Variants in MBD5 observed in about 807,000 individuals in gnomAD.
MBD5 encodes the protein methyl-CpG-binding domain protein 5.
Under a neutral mutation model 117.3 loss-of-function variants are expected in MBD5, and 13 were observed. The ratio of observed to expected loss-of-function variants is 0.11; its 90% CI spans 0.07 to 0.18. MBD5 has a LOEUF of 0.18. Ranked by LOEUF, MBD5 falls within the 10% of genes least tolerant of loss-of-function variation. The pLI is 1.00. For synonymous variants in MBD5, 727 were observed against 766.4 expected (o/e 0.95, Z 0.85); for missense variants, 1,879 against 2,093.8 (o/e 0.90, Z 2.00).
At chr2:148,323,846 A>C (rs1451391479) in intron 3 of MBD5, among the ~76,000 whole-genome samples, 4 of 152,114 alleles carry the variant, frequency 2.6e-5, no homozygotes, top group Non-Finnish European at 5.9e-5. Flanking sequence ...CTTTAGTTTA[A>C]TTAGATCCCA....
chr2:148,424,007 T>C (rs1705692808), intron 4 of MBD5, among the ~76,000 whole-genome samples: 1 of 150,474 alleles, frequency 6.6e-6, no homozygotes, highest in African/African-American at 2.4e-5. Context: ...TGAAACCCCA[T>C]CTCTACTAAA....
At chr2:148,081,314 G>T (rs1487457480) in intron 1 of MBD5, among the ~76,000 whole-genome samples, 1 of 152,058 alleles carries the variant, frequency 6.6e-6, no homozygotes, top group Non-Finnish European at 1.5e-5. Flanking sequence ...ACAGTTTCTG[G>T]GAGAAAGTAG....
Position 148,389,186 on chromosome 2 carries a change from G to GGTGT in MBD5, c.-557+46885_-557+46888dup, listed in dbSNP as rs70995313. 2.7e-3 allele frequency among the ~76,000 whole-genome samples: 238 copies of GGTGT among 89,574 alleles called. 1 individual carries two copies. The highest frequency in any genetic ancestry group is 0.012 in the Middle Eastern group (2 of 172). The allele number at this position is 89,574 out of a possible 152,430, so 58.8% of individuals were successfully genotyped here. On this transcript the variant is annotated intron_variant, in intron 4 of 13. Coordinates refer to ENST00000642680, the MANE Select transcript of MBD5 (RefSeq NM_001378120.1). ...TTTTTATGGCTCCATAGTATTCCGTGGTGTGTGTGTGTGTGTGTGTGTGTG... is the reference window on the plus strand; with the variant it reads ...TTTTTATGGCTCCATAGTATTCCGTGGTGTGTGTGTGTGTGTGTGTGTGTGTGTG...
Position 148,021,289 on chromosome 2 carries a change from G to C in MBD5, c.-1320G>C. ...AGCCCTGAGCCCTGAGAGGGGGATT[G>C]AGCCTGAGAGAGGAGAAGGAGTTTC... is the stretch of plus-strand genomic sequence containing the variant. On this transcript the variant is annotated 5_prime_UTR_variant, in exon 1 of 14. Coordinates refer to ENST00000642680, the MANE Select transcript of MBD5 (RefSeq NM_001378120.1). The C allele has an allele frequency of 2.7e-6, 1 of 370,314 alleles. No homozygotes were observed. The highest frequency in any genetic ancestry group is 5.3e-6 in the Non-Finnish European group (1 of 187,468). 22.9% of individuals were successfully genotyped at this position (370,314 alleles called of 1,614,324 possible).
intron 4 of MBD5, among the ~76,000 whole-genome samples, chr2:148,424,476 G>A (rs764932607): frequency 1.9e-4 from 29 of 151,534 alleles, no homozygotes; most frequent in Admixed American, 7.9e-4. Flanking sequence ...ACAGACCAAC[G>A]AGACAGAAAA....
At chr2:148,172,336 A>G (rs1244489157) in intron 1 of MBD5, among the ~76,000 whole-genome samples, 2 of 152,146 alleles carry the variant, frequency 1.3e-5, no homozygotes, top group Non-Finnish European at 2.9e-5. Context: ...GCCTGCTCCC[A>G]TTTCAGAGCA....
intron 1 of MBD5, among the ~76,000 whole-genome samples, chr2:148,092,970 T>G (rs1222368036): frequency 6.6e-6 from 1 of 151,414 alleles, no homozygotes; most frequent in African/African-American, 2.4e-5. Flanking sequence ...CAGGCTGGAG[T>G]GCAGTGGCGC....
Position 148,021,463 on chromosome 2 carries a change from TTGCTGC to T in MBD5, c.-1134_-1129del. ...CAACACAGACCCTTTGCTGCTGCTGTTGCTGCTGCTGCTGCTGTTGCTGCTGCTGCT... is the reference window on the plus strand; with the variant it reads ...CAACACAGACCCTTTGCTGCTGCTGTTGCTGCTGCTGTTGCTGCTGCTGCT... On this transcript the variant is annotated 5_prime_UTR_variant, in exon 1 of 14. Transcript: ENST00000642680. The T allele has an allele frequency of 1.7e-6, 1 of 573,874 alleles. No homozygotes were observed. The highest frequency in any genetic ancestry group is 3.4e-6 in the Non-Finnish European group (1 of 298,506). The allele number at this position is 573,874 out of a possible 1,614,324, so 35.5% of individuals were successfully genotyped here.
chr2:148,438,297 T>G (rs1402502533), intron 4 of MBD5, among the ~76,000 whole-genome samples: 1 of 152,220 alleles, frequency 6.6e-6, no homozygotes, highest in Non-Finnish European at 1.5e-5. Context: ...ACTGCACTTG[T>G]ATTTGGAGAG....
chr2:148,139,394 C>T (rs1191133731), intron 1 of MBD5, among the ~76,000 whole-genome samples: 2 of 151,952 alleles, frequency 1.3e-5, no homozygotes, highest in Admixed American at 6.6e-5. Context: ...TTAGTAGAGA[C>T]GGGGTTTCTC....
intron 3 of MBD5, among the ~76,000 whole-genome samples, chr2:148,265,609 A>G (rs538649145): frequency 6.6e-6 from 1 of 152,272 alleles, no homozygotes; most frequent in Non-Finnish European, 1.5e-5. Flanking sequence ...CTAGAAATGC[A>G]CTTGCCTCAT....
intron 1 of MBD5, among the ~76,000 whole-genome samples, chr2:148,176,304 G>GTTTTTTT (rs34981118): frequency 3.0e-5 from 3 of 98,916 alleles, no homozygotes; most frequent in Non-Finnish European, 4.1e-5. Context: ...TTAGAGTTTT[G>GTTTTTTT]TTTTTTTTTT....
intron 1 of MBD5, among the ~76,000 whole-genome samples, chr2:148,174,842 T>C (rs1698346367): frequency 6.6e-6 from 1 of 152,044 alleles, no homozygotes; most frequent in South Asian, 2.1e-4. Flanking sequence ...AAGGAAAACT[T>C]TGTACACTGT....
intron 10 of MBD5, among the ~76,000 whole-genome samples, chr2:148,487,950 A>G (rs187014023): frequency 3.0e-3 from 451 of 152,330 alleles, no homozygotes; most frequent in African/African-American, 9.6e-3. Context: ...GATGAATGCA[A>G]ACTTTAAAAT....
rs1400884266 is a variant in MBD5, at chr2:148,337,031, T to G, written c.-679-5183T>G. Among the ~76,000 whole-genome samples, 3 of 152,322 alleles carry G rather than the reference T, an allele frequency of 2.0e-5. No individual in the cohort carries two copies. In the East Asian group the frequency reaches 5.8e-4, roughly 29 times the overall value. The stretch of plus-strand genomic sequence containing the variant: ...CTCGCATGATGGAAGCTTCAATAAC[T>G]TTTCACATGCTCTGCCACAATACAA... On this transcript the variant is annotated intron_variant, in intron 3 of 13. Transcript: ENST00000642680.
intron 1 of MBD5, among the ~76,000 whole-genome samples, chr2:148,032,863 A>G (rs188635811): frequency 2.0e-5 from 3 of 151,998 alleles, no homozygotes; most frequent in African/African-American, 7.2e-5. Flanking sequence ...CAGTCAACGT[A>G]GTGTCATAAA....
intron 2 of MBD5, among the ~76,000 whole-genome samples, chr2:148,180,343 C>CAGATATATATATAT (rs757856356): frequency 1.3e-4 from 14 of 105,540 alleles, no homozygotes; most frequent in African/African-American, 4.3e-4. Flanking sequence ...AAAAATTATA[C>CAGATATATATATAT]ATATATATAT....
At chr2:148,211,647 T>C (rs1409859783) in intron 2 of MBD5, among the ~76,000 whole-genome samples, 1 of 152,234 alleles carries the variant, frequency 6.6e-6, no homozygotes, top group Non-Finnish European at 1.5e-5. Context: ...ACAAGATCCA[T>C]GTGGCTATTC....
At chr2:148,511,220 A>G (rs745986179) in intron 13 of MBD5, among the ~76,000 whole-genome samples, 1 of 152,202 alleles carries the variant, frequency 6.6e-6, no homozygotes, top group Non-Finnish European at 1.5e-5. Flanking sequence ...TACTGCCAGC[A>G]TAGGTTTTAT....
Sources: gnomAD v4.1 joint callset for allele counts (sites outside exome capture counted in the v4.1 genomes callset) on GRCh38, gnomAD v4.1.1 for gene constraint, MANE v1.5 for transcripts, NCBI Gene and HGNC (gene_info 2026-07-23, HGNC 2026-07-21) for gene names.